The following LHFPL3 variants were observed in gnomAD, a reference collection of about 807,000 sequenced individuals.
The protein encoded by LHFPL3 is LHFPL tetraspan subfamily member 3.
LHFPL3 carries 5 observed loss-of-function variants against 19.3 expected under a neutral mutation model. That is an observed-to-expected ratio of 0.26 (90% CI 0.14 to 0.54). LHFPL3 has a LOEUF of 0.54. Among genes scored for constraint, LHFPL3 ranks in the 20% least tolerant of loss-of-function variants. The probability of loss-of-function intolerance (pLI) is 0.94; values close to 1 mark genes in which losing one functional copy is unlikely to be tolerated. For missense variants in LHFPL3, 249 were observed against 307.4 expected (o/e 0.81, Z 1.42); for synonymous variants, 133 against 126.2 (o/e 1.05, Z -0.36).
intron 1 of LHFPL3, among the ~76,000 whole-genome samples, chr7:104,658,704 C>T (rs1181517562): frequency 2.0e-5 from 3 of 152,106 alleles, no homozygotes; most frequent in Non-Finnish European, 4.4e-5. Context: ...GCAGGAGAAT[C>T]GCTTGAACCC....
intron 1 of LHFPL3, among the ~76,000 whole-genome samples, chr7:104,664,862 A>C (rs1211014282): frequency 6.6e-6 from 1 of 152,194 alleles, no homozygotes; most frequent in African/African-American, 2.4e-5. Flanking sequence ...AGATGGGACT[A>C]GATGCAGTGG....
intron 1 of LHFPL3, among the ~76,000 whole-genome samples, chr7:104,365,779 C>T (rs1790475740): frequency 2.8e-5 from 1 of 35,684 alleles, no homozygotes; most frequent in Admixed American, 4.0e-4. Flanking sequence ...CAGAGCGAGA[C>T]TCCGTCTCAA....
At chr7:104,704,404 G>C (rs965304493) in intron 1 of LHFPL3, among the ~76,000 whole-genome samples, 2 of 152,032 alleles carry the variant, frequency 1.3e-5, no homozygotes, top group Non-Finnish European at 2.9e-5. Flanking sequence ...AGTCATATGA[G>C]TATTCATTCA....
At chr7:104,812,212 T>G (rs1340648628) in intron 2 of LHFPL3, among the ~76,000 whole-genome samples, 2 of 152,220 alleles carry the variant, frequency 1.3e-5, no homozygotes, top group African/African-American at 4.8e-5. Context: ...ATTCAGTAAT[T>G]TGCTGGCGTG....
chr7:104,401,584 A>T (rs913365821), intron 1 of LHFPL3, among the ~76,000 whole-genome samples: 1 of 152,230 alleles, frequency 6.6e-6, no homozygotes, highest in Non-Finnish European at 1.5e-5. Flanking sequence ...AAACTCAAAT[A>T]AATTTTATTT....
rs577805143 is a variant in LHFPL3 at position 104,373,769 on chromosome 7, T to G, written c.445+44545T>G. On this transcript the variant is annotated intron_variant, in intron 1 of 2. Coordinates refer to ENST00000424859, the MANE Select transcript of LHFPL3 (RefSeq NM_199000.3). ...TGACAGATGTTTCCTATTCAGATCT[T>G]TAAAAGAAGCTAGACTTTTAATTAA... 2.7e-3 allele frequency among the ~76,000 whole-genome samples: 411 copies of G among 152,268 alleles called. 1 individual carries two copies. Among genetic ancestry groups the G allele is most frequent in the African/African-American group, 9.6e-3 (400 of 41,544 alleles).
intron 1 of LHFPL3, among the ~76,000 whole-genome samples, chr7:104,413,795 A>T (rs935713550): frequency 6.6e-6 from 1 of 152,188 alleles, no homozygotes; most frequent in African/African-American, 2.4e-5. Flanking sequence ...TAGTATTTTA[A>T]GGCCATTTAA....
At chr7:104,567,339 A>T (rs1479398796) in intron 1 of LHFPL3, among the ~76,000 whole-genome samples, 1 of 152,118 alleles carries the variant, frequency 6.6e-6, no homozygotes, top group East Asian at 1.9e-4. Context: ...TTCTCAGGAG[A>T]TGCTACTGGC....
At chr7:104,419,494 A>G (rs370600954) in intron 1 of LHFPL3, among the ~76,000 whole-genome samples, 1 of 152,348 alleles carries the variant, frequency 6.6e-6, no homozygotes, top group Admixed American at 6.5e-5. Flanking sequence ...GGAGAAGGAA[A>G]TGAAAGGGAA....
intron 1 of LHFPL3, among the ~76,000 whole-genome samples, chr7:104,526,852 A>G (rs1438892427): frequency 6.6e-6 from 1 of 152,216 alleles, no homozygotes; most frequent in Non-Finnish European, 1.5e-5. Context: ...CTATTCCAAT[A>G]ATGAAGAAGA....
At chr7:104,490,694 A>G (rs1793325681) in intron 1 of LHFPL3, among the ~76,000 whole-genome samples, 1 of 152,204 alleles carries the variant, frequency 6.6e-6, no homozygotes, top group Non-Finnish European at 1.5e-5. Flanking sequence ...CATAATAATA[A>G]TGATCAGAAA....
In LHFPL3 at chr7:104,568,206, A is replaced by G. The variant is rs1307982198; in HGVS notation, c.446-168469A>G. Among the ~76,000 whole-genome samples the G allele has an allele frequency of 2.0e-5, 3 of 152,318 alleles. No individual in the cohort carries two copies. The East Asian group carries it at 5.8e-4, about 29-fold the overall frequency. On this transcript the variant is annotated intron_variant, in intron 1 of 2. Transcript: ENST00000424859. ...CAAAATTTTCACATTCAGACTCTAT[A>G]AAGAGCTACTGACTTGGTAGGTATG...
At chr7:104,857,095 C>G (rs1254127449) in intron 2 of LHFPL3, among the ~76,000 whole-genome samples, 3 of 152,170 alleles carry the variant, frequency 2.0e-5, no homozygotes, top group Non-Finnish European at 2.9e-5. Flanking sequence ...TAGGTACAGG[C>G]AGATTGTTCC....
rs62484560 is a variant in LHFPL3, at chr7:104,602,594, A to G, written c.446-134081A>G. On this transcript the variant is annotated intron_variant, in intron 1 of 2. Transcript: ENST00000424859. Reference sequence around the variant, plus strand: ...AAGGCTAAGTGGTAAAGTTCCCATAATTAAACCTCAAGGACACAGAATCAA... The same window carrying G: ...AAGGCTAAGTGGTAAAGTTCCCATAGTTAAACCTCAAGGACACAGAATCAA... Among the ~76,000 whole-genome samples, 1,394 of 152,348 alleles carry G rather than the reference A, an allele frequency of 9.2e-3. 14 individuals carry two copies. The highest frequency in any genetic ancestry group is 0.015 in the Non-Finnish European group (1,043 of 68,028).
intron 1 of LHFPL3, among the ~76,000 whole-genome samples, chr7:104,601,908 T>C (rs1158415120): frequency 6.6e-6 from 1 of 152,072 alleles, no homozygotes; most frequent in Non-Finnish European, 1.5e-5. Flanking sequence ...AGGTGGGACC[T>C]ACCCAGACAG....
At position 104,669,406 on chromosome 7, in the gene LHFPL3, T is replaced by G. The variant is rs1792427480; in HGVS notation, c.446-67269T>G. The stretch of plus-strand genomic sequence containing the variant: ...AGGAGACTGAGGGAACAGAGACCAC[T>G]GGAAGGAGTCAGATAGGAAAGATGG... On this transcript the variant is annotated intron_variant, in intron 1 of 2. Coordinates refer to ENST00000424859, the MANE Select transcript of LHFPL3 (RefSeq NM_199000.3). 10 of 1,613,494 alleles carry G rather than the reference T, an allele frequency of 6.2e-6. No individual in the cohort carries two copies. The South Asian group carries it at 8.8e-5, about 14-fold the overall frequency.
chr7:104,575,479 T>A (rs1474521673), intron 1 of LHFPL3, among the ~76,000 whole-genome samples: 5 of 150,836 alleles, frequency 3.3e-5, no homozygotes, highest in African/African-American at 1.2e-4. Flanking sequence ...TATGTGCAAT[T>A]TTTATATATT....
intron 1 of LHFPL3, among the ~76,000 whole-genome samples, chr7:104,439,191 C>T (rs1401306015): frequency 6.6e-6 from 1 of 152,072 alleles, no homozygotes; most frequent in African/African-American, 2.4e-5. Context: ...TTGATCCTCC[C>T]ACCTCGGCCT....
chr7:104,734,043 A>G (rs1793754612), intron 1 of LHFPL3, among the ~76,000 whole-genome samples: 1 of 152,174 alleles, frequency 6.6e-6, no homozygotes, highest in Non-Finnish European at 1.5e-5. Context: ...AATGTTGAAT[A>G]TTGGCCCCCA....
Sources: allele counts gnomAD v4.1 joint callset (sites outside exome capture counted in the v4.1 genomes callset), GRCh38; gene constraint gnomAD v4.1.1; transcripts MANE v1.5; gene names NCBI Gene and HGNC (gene_info 2026-07-23, HGNC 2026-07-21).